HIVEP3: variants seen among roughly 807,000 people sequenced by gnomAD.
HIVEP3 encodes transcription factor HIVEP3.
In HIVEP3, 49 loss-of-function variants were observed where a neutral mutation model predicts 152.8. That is an observed-to-expected ratio of 0.32 (90% CI 0.26 to 0.41). HIVEP3 has a LOEUF of 0.41. Among genes scored for constraint, HIVEP3 ranks in the 10% least tolerant of loss-of-function variants. The pLI is 1.00. For synonymous variants in HIVEP3, 1,269 were observed against 1,289.0 expected (o/e 0.98, Z 0.33); for missense variants, 2,790 against 3,103.3 (o/e 0.90, Z 2.40).
chr1:41,962,610 C>T (rs1270306206), intron 1 of HIVEP3, among the ~76,000 whole-genome samples: 1 of 152,232 alleles, frequency 6.6e-6, no homozygotes, highest in Non-Finnish European at 1.5e-5. Context: ...GATGCTGGAA[C>T]TCTTACTCAT....
intron 1 of HIVEP3, among the ~76,000 whole-genome samples, chr1:41,718,606 G>A (rs2124163489): frequency 6.6e-6 from 1 of 152,276 alleles, no homozygotes; most frequent in Middle Eastern, 3.4e-3. Flanking sequence ...CAGAGGATCT[G>A]CCCAGGCGTG....
At chr1:41,657,832 C>T (rs774414404) in intron 2 of HIVEP3, among the ~76,000 whole-genome samples, 5 of 152,184 alleles carry the variant, frequency 3.3e-5, no homozygotes, top group South Asian at 2.1e-4. Flanking sequence ...TTTGCAGGTC[C>T]GGGACAAGGG....
At chr1:41,525,118 G>A (rs536702839) in intron 5 of HIVEP3, among the ~76,000 whole-genome samples, 3 of 152,198 alleles carry the variant, frequency 2.0e-5, no homozygotes, top group African/African-American at 4.8e-5. Flanking sequence ...CCCCTCAGAC[G>A]GGGGGTTGCA....
intron 5 of HIVEP3, among the ~76,000 whole-genome samples, chr1:41,526,644 C>T (rs1642940022): frequency 6.3e-5 from 3 of 47,966 alleles, no homozygotes; most frequent in Non-Finnish European, 9.6e-5. Context: ...CACCCTCACA[C>T]CCCCACACTC....
intron 2 of HIVEP3, among the ~76,000 whole-genome samples, chr1:41,637,190 G>A (rs1313943494): frequency 6.6e-6 from 1 of 152,158 alleles, no homozygotes; most frequent in Non-Finnish European, 1.5e-5. Flanking sequence ...ACACACACAT[G>A]CACACATAGG....
At chr1:41,627,880 A>G (rs942335005) in intron 3 of HIVEP3, among the ~76,000 whole-genome samples, 1 of 150,334 alleles carries the variant, frequency 6.7e-6, no homozygotes, top group African/African-American at 2.4e-5. Flanking sequence ...CCCTCCGTCC[A>G]TCCCTCCCTC....
At chr1:41,540,391 G>A (rs1344726515) in intron 5 of HIVEP3, among the ~76,000 whole-genome samples, 1 of 152,226 alleles carries the variant, frequency 6.6e-6, no homozygotes, top group Non-Finnish European at 1.5e-5. Flanking sequence ...GGGCAAGGTA[G>A]CCAGGGCTCA....
chr1:41,546,263 C>T (rs931927339), intron 5 of HIVEP3, among the ~76,000 whole-genome samples: 1 of 152,310 alleles, frequency 6.6e-6, no homozygotes, highest in East Asian at 1.9e-4. Flanking sequence ...AAAGTGAGGA[C>T]TGTAGTGGAG....
At chr1:41,521,405 C>G (rs1460044982) in intron 6 of HIVEP3, among the ~76,000 whole-genome samples, 3 of 152,242 alleles carry the variant, frequency 2.0e-5, no homozygotes, top group Admixed American at 2.0e-4. Context: ...CTGCCCCCGC[C>G]ACGGGGGTGC....
intron 1 of HIVEP3, among the ~76,000 whole-genome samples, chr1:41,763,860 A>G (rs1647844113): frequency 6.6e-6 from 1 of 152,236 alleles, no homozygotes; most frequent in East Asian, 1.9e-4. Flanking sequence ...GAAAGGATGT[A>G]ATTGCTACTA....
chr1:41,787,489 C>T (rs1469848239), intron 1 of HIVEP3, among the ~76,000 whole-genome samples: 1 of 151,656 alleles, frequency 6.6e-6, no homozygotes. Flanking sequence ...TTTCACATGG[C>T]TTCATTGACA....
rs1453319663 is a variant in HIVEP3 at position 41,662,814 on chromosome 1, C to T, written c.-720-33867G>A. Among the ~76,000 whole-genome samples the T allele has an allele frequency of 6.6e-6, 1 of 152,156 alleles. No individual in the cohort carries two copies. The highest frequency in any genetic ancestry group is 2.4e-5 in the African/African-American group (1 of 41,460). On this transcript the variant is annotated intron_variant, in intron 2 of 8. Transcript: ENST00000372583. The surrounding 1 kb of genome is among the most constrained non-coding windows in gnomAD (Gnocchi z 7.2). ...CCGCCGGGGCCCTGCCACTCTGCGC[C>T]ACGCCTTGGTCGCACCCGGGCCCAG...
chr1:41,810,870 T>C (rs1021438813), intron 1 of HIVEP3, among the ~76,000 whole-genome samples: 1 of 148,152 alleles, frequency 6.7e-6, no homozygotes, highest in Non-Finnish European at 1.5e-5. Flanking sequence ...GTGGCCTATG[T>C]GGCATGTGGC....
At chr1:41,625,456 C>T (rs927356061) in intron 3 of HIVEP3, among the ~76,000 whole-genome samples, 1 of 152,214 alleles carries the variant, frequency 6.6e-6, no homozygotes, top group East Asian at 1.9e-4. Flanking sequence ...ATTAGGCCCA[C>T]AGGCAAGTTT....
chr1:41,643,906 T>TTTTTTTTTTTG (rs1553242264), intron 2 of HIVEP3, among the ~76,000 whole-genome samples: 2 of 143,602 alleles, frequency 1.4e-5, no homozygotes, highest in Non-Finnish European at 3.1e-5. Context: ...TTTTTTTTTT[T>TTTTTTTTTTTG]GACAGGGTCT....
At chr1:41,769,960 T>TTTTG (rs1023392662) in intron 1 of HIVEP3, among the ~76,000 whole-genome samples, 18 of 152,136 alleles carry the variant, frequency 1.2e-4, no homozygotes, top group African/African-American at 2.9e-4. Context: ...TAAAATTGTT[T>TTTTG]TTTGTTTGTT....
At chr1:41,595,961 C>T (rs1163748569) in intron 3 of HIVEP3, among the ~76,000 whole-genome samples, 1 of 152,106 alleles carries the variant, frequency 6.6e-6, no homozygotes, top group African/African-American at 2.4e-5. Context: ...TTTATGTATA[C>T]ATCTATCCTA....
At position 41,508,204 on chromosome 1, in the gene HIVEP3, G is replaced by A. The variant is rs1295038341; in HGVS notation, c.*2247C>T. 4 of 152,272 alleles carry A rather than the reference G, an allele frequency of 2.6e-5. No homozygotes were observed. The highest frequency in any genetic ancestry group is 7.2e-5 in the African/African-American group (3 of 41,446). 9.4% of individuals were successfully genotyped at this position (152,272 alleles called of 1,614,324 possible). On this transcript the variant is annotated 3_prime_UTR_variant, in exon 9 of 9. Transcript: ENST00000372583. Reference sequence around the variant, plus strand: ...CCGGTCTGCTGCTTTGTAGGTCTGGGGCAGGAAGAGCTTGCCCAGGCAGAT... The same window carrying A: ...CCGGTCTGCTGCTTTGTAGGTCTGGAGCAGGAAGAGCTTGCCCAGGCAGAT...
intron 1 of HIVEP3, among the ~76,000 whole-genome samples, chr1:41,804,206 C>T (rs1199613425): frequency 6.6e-6 from 1 of 152,248 alleles, no homozygotes; most frequent in African/African-American, 2.4e-5. Flanking sequence ...TGCCTAACGA[C>T]TCCACAAAGG....
Sources: gnomAD v4.1 joint callset for allele counts (sites outside exome capture counted in the v4.1 genomes callset) on GRCh38, gnomAD v4.1.1 for gene constraint, Gnocchi (gnomAD v3.1) non-coding constraint, MANE v1.5 for transcripts, NCBI Gene and HGNC (gene_info 2026-07-23, HGNC 2026-07-21) for gene names.